The following PIRT variants were observed in gnomAD, a reference collection of about 807,000 sequenced individuals.
PIRT encodes the protein phosphoinositide-interacting protein.
Under a neutral mutation model 7.9 loss-of-function variants are expected in PIRT, and 6 were observed. The ratio of observed to expected loss-of-function variants is 0.76; its 90% confidence interval spans 0.42 to 1.51. PIRT has a LOEUF of 1.51. PIRT is among the 40% of genes most tolerant of loss of function. PIRT has a pLI of 0.01. For missense variants in PIRT, 170 were observed against 172.9 expected (o/e 0.98, Z 0.09); for synonymous variants, 78 against 71.8 (o/e 1.09, Z -0.44).
chr17:10,825,892 T>C (rs1198905090), intron 1 of PIRT, 109 bp from the exon 2 acceptor site: 1 of 348,176 alleles, frequency 2.9e-6, no homozygotes. Flanking sequence ...TTTTATTCAA[T>C]AGCTTTTAAT....
At chr17:10,832,081 C>T (rs141024028) in intron 1 of PIRT, among the ~76,000 whole-genome samples, 43 of 152,272 alleles carry the variant, frequency 2.8e-4, no homozygotes, top group African/African-American at 9.1e-4. Context: ...ATCTCATTTC[C>T]GTAAAATTCA....
chr17:10,829,938 A>G (rs774155796), intron 1 of PIRT, among the ~76,000 whole-genome samples: 1 of 151,948 alleles, frequency 6.6e-6, no homozygotes, highest in Admixed American at 6.6e-5. Context: ...CTCAGAAAAA[A>G]ATTGTCCACT....
chr17:10,825,718 A>G lies in PIRT; in HGVS notation c.-73T>C. ...AGTGGAGCCAAAGGAATCCTCACAC[A>G]CCCTTCCTGTACTCAGCATCCATCT... On this transcript the variant is annotated 5_prime_UTR_variant, in exon 2 of 2. Coordinates refer to ENST00000580256, the MANE Select transcript of PIRT (RefSeq NM_001101387.2). 7.1e-7 allele frequency: 1 copy of G among 1,411,214 alleles called. No homozygotes were observed. The highest frequency in any genetic ancestry group is 9.3e-7 in the Non-Finnish European group (1 of 1,069,846). The allele number at this position is 1,411,214 out of a possible 1,614,324, so 87.4% of individuals were successfully genotyped here.
In PIRT at chr17:10,825,651, C is replaced by T. The variant is rs1412367776; in HGVS notation, c.-6G>A. The T allele has an allele frequency of 4.1e-6, 6 of 1,468,276 alleles. No homozygotes were observed. Among genetic ancestry groups the T allele is most frequent in the Non-Finnish European group, 5.4e-6 (6 of 1,108,120 alleles). 91.0% of individuals were successfully genotyped at this position (1,468,276 alleles called of 1,614,324 possible). On this transcript the variant is annotated 5_prime_UTR_variant, in exon 2 of 2. Coordinates refer to ENST00000580256, the MANE Select transcript of PIRT (RefSeq NM_001101387.2). ...GGGAGAGTCTCCATCGTCATGGTTGCTCAGGACTGGGCGCCTAGGACCAGC... is the reference window on the plus strand; with the variant it reads ...GGGAGAGTCTCCATCGTCATGGTTGTTCAGGACTGGGCGCCTAGGACCAGC...
At chr17:10,832,820 C>T (rs1905493684) in intron 1 of PIRT, among the ~76,000 whole-genome samples, 3 of 152,170 alleles carry the variant, frequency 2.0e-5, no homozygotes, top group African/African-American at 4.8e-5. Flanking sequence ...CCCCAAACAG[C>T]ACTGGTTTTC....
At chr17:10,829,965 G>GTATATCTA (rs1905423358) in intron 1 of PIRT, among the ~76,000 whole-genome samples, 1 of 149,488 alleles carries the variant, frequency 6.7e-6, no homozygotes, top group Non-Finnish European at 1.5e-5. Flanking sequence ...ATGTCTGTCT[G>GTATATCTA]TCTATCTATC....
chr17:10,833,611 G>T (rs1046418511), intron 1 of PIRT, among the ~76,000 whole-genome samples: 1 of 152,082 alleles, frequency 6.6e-6, no homozygotes, highest in Non-Finnish European at 1.5e-5. Context: ...AAAATCAGCT[G>T]GGTGTGGTGG....
At chr17:10,827,097 C>T (rs1308971734) in intron 1 of PIRT, among the ~76,000 whole-genome samples, 2 of 152,142 alleles carry the variant, frequency 1.3e-5, no homozygotes, top group African/African-American at 4.8e-5. Context: ...CAAGCATGAG[C>T]CACTGTGCCT....
intron 1 of PIRT, among the ~76,000 whole-genome samples, chr17:10,826,944 T>A (rs1207311234): frequency 6.6e-6 from 1 of 152,024 alleles, no homozygotes; most frequent in Non-Finnish European, 1.5e-5. Context: ...TCCTGAGTAG[T>A]GGGGATTACA....
chr17:10,826,749 G>T (rs767987537), intron 1 of PIRT, among the ~76,000 whole-genome samples: 4 of 152,166 alleles, frequency 2.6e-5, no homozygotes, highest in Non-Finnish European at 4.4e-5. Context: ...ACACCGTTTC[G>T]TGCAGCCTGG....
intron 1 of PIRT, among the ~76,000 whole-genome samples, chr17:10,826,325 T>A (rs568830186): frequency 2.6e-5 from 4 of 152,366 alleles, no homozygotes; most frequent in Admixed American, 6.5e-5. Flanking sequence ...TTGTCTGATC[T>A]TGATGGAATT....
chr17:10,831,398 C>T (rs1209135376), intron 1 of PIRT, among the ~76,000 whole-genome samples: 5 of 152,134 alleles, frequency 3.3e-5, no homozygotes, highest in African/African-American at 1.2e-4. Flanking sequence ...GAGATTAAAA[C>T]ATCCTGAGTG....
chr17:10,836,609 C>T (rs9916708), intron 1 of PIRT, among the ~76,000 whole-genome samples: 5,197 of 152,278 alleles, frequency 0.034, 280 homozygotes, highest in African/African-American at 0.12. Context: ...TGCTGCTGTG[C>T]TTGGGCCTGG....
Position 10,835,673 on chromosome 17 carries a change from C to T in PIRT, c.-139+2272G>A, listed in dbSNP as rs185357541. 3.1e-3 allele frequency among the ~76,000 whole-genome samples: 472 copies of T among 152,346 alleles called. 7 individuals carry two copies. The highest frequency in any genetic ancestry group is 0.029 in the Admixed American group (443 of 15,304). ...TAGAGCTGCCAAGGACGCCGGGGTC[C>T]CCGAGCTGGGGCCAGCAAGCAGCAA... On this transcript the variant is annotated intron_variant, in intron 1 of 1. Coordinates refer to ENST00000580256, the MANE Select transcript of PIRT (RefSeq NM_001101387.2).
intron 1 of PIRT, among the ~76,000 whole-genome samples, chr17:10,833,934 C>A (rs780716827): frequency 6.6e-6 from 1 of 152,114 alleles, no homozygotes; most frequent in Non-Finnish European, 1.5e-5. Flanking sequence ...GACATCACCA[C>A]ACATGCACTA....
intron 1 of PIRT, among the ~76,000 whole-genome samples, chr17:10,835,183 CA>C (rs1905558048): frequency 6.6e-6 from 1 of 152,178 alleles, no homozygotes; most frequent in Non-Finnish European, 1.5e-5. Flanking sequence ...CAAAAATCTC[CA>C]ATGTACCTCA....
chr17:10,828,169 C>T (rs1019493762), intron 1 of PIRT, among the ~76,000 whole-genome samples: 1 of 152,192 alleles, frequency 6.6e-6, no homozygotes, highest in African/African-American at 2.4e-5. Flanking sequence ...TGGTGCCTCC[C>T]CTGCAGTAAG....
intron 1 of PIRT, among the ~76,000 whole-genome samples, chr17:10,835,097 C>T (rs529889295): frequency 6.6e-6 from 1 of 152,254 alleles, no homozygotes; most frequent in East Asian, 1.9e-4. Flanking sequence ...ACCAACTCCT[C>T]CCTGCCTCCA....
In PIRT at chr17:10,822,832, C is replaced by G. The variant is rs3744572; in HGVS notation, c.*2400G>C. 0.18 allele frequency: 27,062 copies of G among 152,108 alleles called. 3,030 individuals are homozygous for G. The highest frequency in any genetic ancestry group is 0.31 in the African/African-American group (12,863 of 41,470). 9.4% of individuals were successfully genotyped at this position (152,108 alleles called of 1,614,324 possible). The stretch of plus-strand genomic sequence containing the variant: ...GGATGACGATGTTTGGGGATATTTC[C>G]TCATATTCTCTTTGCTGAGAAACTA... On this transcript the variant is annotated 3_prime_UTR_variant, in exon 2 of 2. Coordinates refer to ENST00000580256, the MANE Select transcript of PIRT (RefSeq NM_001101387.2).
Sources: gnomAD v4.1 joint callset for allele counts (sites outside exome capture counted in the v4.1 genomes callset) on GRCh38, gnomAD v4.1.1 for gene constraint, MANE v1.5 for transcripts, NCBI Gene and HGNC (gene_info 2026-07-23, HGNC 2026-07-21) for gene names.